Variants in NUB1 observed in about 807,000 individuals in gnomAD.
NUB1 encodes negative regulator of ubiquitin like proteins 1, also known as NEDD8 ultimate buster 1.
Under a neutral mutation model 77.1 loss-of-function variants are expected in NUB1, and 41 were observed. That is an observed-to-expected ratio of 0.53 (90% confidence interval 0.41 to 0.69). The LOEUF (loss-of-function observed/expected upper bound fraction) is 0.69, where lower values mean the gene tolerates loss of function less well. NUB1 is among the 30% of genes least tolerant of loss of function. The pLI is 0.00. For synonymous variants in NUB1, 257 were observed against 281.0 expected (o/e 0.91, Z 0.85); for missense variants, 643 against 743.8 (o/e 0.86, Z 1.58).
In NUB1 at chr7:151,377,508, CA is replaced by C. The variant is rs1241553139; in HGVS notation, c.*284del. 2 of 233,582 alleles carry C rather than the reference CA, an allele frequency of 8.6e-6. No homozygotes were observed. Among genetic ancestry groups the C allele is most frequent in the Non-Finnish European group, 1.7e-5 (2 of 119,894 alleles). 14.5% of individuals were successfully genotyped at this position (233,582 alleles called of 1,614,324 possible). A position where few individuals can be genotyped will look rare whatever the true frequency, so the allele number is the denominator to read the frequency against. On this transcript the variant is annotated 3_prime_UTR_variant, in exon 15 of 15. Coordinates refer to ENST00000568733, the MANE Select transcript of NUB1 (RefSeq NM_001243351.2). ...TGTTTTACCCCGAAACAGGAAGGAACAGGGGTCCTGTAGAACAGGGGTCCTG... is the reference window on the plus strand; with the variant it reads ...TGTTTTACCCCGAAACAGGAAGGAACGGGGTCCTGTAGAACAGGGGTCCTG...
In NUB1 at chr7:151,358,599, T is replaced by C. The variant is rs559611060; in HGVS notation, c.694-1542T>C. Among the ~76,000 whole-genome samples the C allele has an allele frequency of 7.9e-5, 12 of 152,316 alleles. 1 individual carries two copies. In the South Asian group the frequency reaches 2.5e-3, roughly 32 times the overall value. On this transcript the variant is annotated intron_variant, in intron 7 of 14. Coordinates refer to ENST00000568733, the MANE Select transcript of NUB1 (RefSeq NM_001243351.2). ...TAATGCCTGATGACCTGAGGTAGAATGTTTTCACCCTGAAACCATCTGCCT... is the reference window on the plus strand; with the variant it reads ...TAATGCCTGATGACCTGAGGTAGAACGTTTTCACCCTGAAACCATCTGCCT...
At chr7:151,362,507 A>G (rs1797426605) in intron 8 of NUB1, among the ~76,000 whole-genome samples, 1 of 152,210 alleles carries the variant, frequency 6.6e-6, no homozygotes, top group Admixed American at 6.5e-5. Flanking sequence ...TATGACCAAG[A>G]ATAGTTTCTT....
chr7:151,349,226 C>A lies in NUB1; in HGVS notation c.271C>A (p.Pro91Thr), dbSNP rs1468121234. Reference sequence around the variant, plus strand: ...TGCTACAATCGAGGTGTTTTTACCACCAAGACTAAAAAAAGTGAGTAATTT... The same window carrying A: ...TGCTACAATCGAGGTGTTTTTACCAACAAGACTAAAAAAAGTGAGTAATTT... ...GIATIEVFLP[P>T]RLKKDRKNLL... is the part of the protein sequence containing the mutation. The change falls in exon 3 of 15, where the codon CCA (proline) becomes ACA (threonine). Residue 91 changes from proline to threonine, a missense_variant. Physicochemically the swap from Pro to Thr is conservative, Grantham distance 38. Transcript: ENST00000568733. 1 of 1,607,140 alleles carries A rather than the reference C, an allele frequency of 6.2e-7. No individual in the cohort carries two copies. The highest frequency in any genetic ancestry group is 1.7e-5 in the Admixed American group (1 of 57,668).
At chr7:151,365,548 G>C (rs1405542665) in intron 8 of NUB1, among the ~76,000 whole-genome samples, 1 of 152,170 alleles carries the variant, frequency 6.6e-6, no homozygotes. Context: ...ACTGGGACCA[G>C]AATGTGCCTA....
intron 13 of NUB1, 51 bp downstream of exon 13, chr7:151,375,994 G>A: frequency 8.4e-7 from 1 of 1,195,380 alleles, no homozygotes; most frequent in Non-Finnish European, 1.3e-6. Flanking sequence ...GGGTGGGGTT[G>A]CTTGGGGTAA....
At chr7:151,342,800 C>G (rs1796274073) in intron 1 of NUB1, among the ~76,000 whole-genome samples, 1 of 152,108 alleles carries the variant, frequency 6.6e-6, no homozygotes. Context: ...GTCCTTCTGT[C>G]AAGTGGTGGC....
chr7:151,343,348 A>G (rs73472482), intron 1 of NUB1, among the ~76,000 whole-genome samples: 9,417 of 152,160 alleles, frequency 0.062, 929 homozygotes, highest in African/African-American at 0.21. Flanking sequence ...ATAGATTTGA[A>G]CTTTCTTTTA....
At chr7:151,376,332 A>T (rs534752734) in intron 13 of NUB1, 1 of 488,006 alleles carries the variant, frequency 2.0e-6, no homozygotes, top group African/African-American at 1.9e-5. Flanking sequence ...GCACGCCTGT[A>T]TGCTGTGGCC....
intron 8 of NUB1, among the ~76,000 whole-genome samples, chr7:151,364,432 C>A (rs199989925): frequency 2.7e-5 from 4 of 146,674 alleles, no homozygotes; most frequent in African/African-American, 5.0e-5. Context: ...AAAACAAAAA[C>A]AAAAAAAAAC....
chr7:151,370,490 A>G (rs572660235), intron 11 of NUB1, among the ~76,000 whole-genome samples: 1 of 151,918 alleles, frequency 6.6e-6, no homozygotes, highest in African/African-American at 2.4e-5. Flanking sequence ...CTATTACTCC[A>G]CTACCAGTAA....
At chr7:151,371,899 G>T (rs932226519) in intron 11 of NUB1, among the ~76,000 whole-genome samples, 1 of 152,102 alleles carries the variant, frequency 6.6e-6, no homozygotes, top group African/African-American at 2.4e-5. Flanking sequence ...TAGAAATGGG[G>T]TCTCACCATG....
At chr7:151,343,656 T>C (rs1796318219) in intron 1 of NUB1, among the ~76,000 whole-genome samples, 1 of 152,164 alleles carries the variant, frequency 6.6e-6, no homozygotes, top group Non-Finnish European at 1.5e-5. Context: ...GCTGTGCTAG[T>C]ATGGGATGAG....
chr7:151,369,951 C>T (rs534335732), intron 11 of NUB1, among the ~76,000 whole-genome samples: 4 of 152,256 alleles, frequency 2.6e-5, no homozygotes, highest in South Asian at 2.1e-4. Flanking sequence ...GGGTTCATTC[C>T]GTGGTGAGCA....
At chr7:151,354,686 A>G (rs539876276) in intron 5 of NUB1, among the ~76,000 whole-genome samples, 28 of 152,200 alleles carry the variant, frequency 1.8e-4, no homozygotes, top group African/African-American at 6.7e-4. Flanking sequence ...GTCCTAGAAG[A>G]TAGGTAGTTT....
intron 7 of NUB1, among the ~76,000 whole-genome samples, chr7:151,357,506 G>A (rs528530141): frequency 6.6e-6 from 1 of 152,252 alleles, no homozygotes; most frequent in East Asian, 1.9e-4. Flanking sequence ...TTCTTATAAT[G>A]AATGACTATG....
At chr7:151,354,317 C>G (rs1393846154) in intron 5 of NUB1, among the ~76,000 whole-genome samples, 1 of 149,364 alleles carries the variant, frequency 6.7e-6, no homozygotes, top group Non-Finnish European at 1.5e-5. Context: ...CTCCCCCCAC[C>G]CTTGCTTTTT....
At chr7:151,344,777 A>G (rs1796402727) in intron 1 of NUB1, among the ~76,000 whole-genome samples, 1 of 152,078 alleles carries the variant, frequency 6.6e-6, no homozygotes, top group Non-Finnish European at 1.5e-5. Context: ...AGGTGGGTGG[A>G]TCACTTGAGG....
Position 151,377,075 on chromosome 7 carries a change from C to CCGTCA in NUB1, c.1698_1699insCGTCA (p.Met567ArgfsTer41). The stretch of plus-strand genomic sequence containing the variant: ...CCTCTAGTGCCTCAACAGACGAAGA[C>CCGTCA]ATGGAGACAGAGGCCGTCAATGAGA... On this transcript the variant is annotated frameshift_variant, in exon 15 of 15. Coordinates refer to ENST00000568733, the MANE Select transcript of NUB1 (RefSeq NM_001243351.2). LOFTEE classifies it high-confidence loss of function. 2 of 1,572,224 alleles carry CCGTCA rather than the reference C, an allele frequency of 1.3e-6. No homozygotes were observed. The highest frequency in any genetic ancestry group is 1.7e-6 in the Non-Finnish European group (2 of 1,160,466).
chr7:151,367,062 C>G lies in NUB1; in HGVS notation c.924C>G (p.Asn308Lys), dbSNP rs772432398. The change falls in exon 9 of 15, where the codon AAC becomes AAG. Residue 308 changes from asparagine (N) to lysine (K), a missense_variant. Physicochemically the swap from Asn to Lys is moderately conservative, Grantham distance 94. Transcript: ENST00000568733. ...ECLDDAEKKL[N>K]LAQKCFKNCY... is the part of the protein sequence containing the mutation. ...TTGATGATGCAGAAAAAAAATTAAACTTGGCCCAGAAATGCTTTAAAAATT... is the reference window on the plus strand; with the variant it reads ...TTGATGATGCAGAAAAAAAATTAAAGTTGGCCCAGAAATGCTTTAAAAATT... 21 of 1,613,758 alleles carry G rather than the reference C, an allele frequency of 1.3e-5. No homozygotes were observed. The highest frequency in any genetic ancestry group is 1.7e-5 in the Admixed American group (1 of 59,984).
Sources: allele counts gnomAD v4.1 joint callset (sites outside exome capture counted in the v4.1 genomes callset), GRCh38; gene constraint gnomAD v4.1.1; transcripts MANE v1.5; gene names NCBI Gene and HGNC (gene_info 2026-07-23, HGNC 2026-07-21).